Variants in NUP93 observed in about 807,000 individuals in gnomAD.
NUP93 encodes the protein nucleoporin 93, also known as nuclear pore complex protein Nup93.
Under a neutral mutation model 107.8 loss-of-function variants are expected in NUP93, and 55 were observed. The ratio of observed to expected loss-of-function variants is 0.51; its 90% confidence interval spans 0.41 to 0.64. The LOEUF (loss-of-function observed/expected upper bound fraction) is 0.64, where lower values mean the gene tolerates loss of function less well. NUP93 is among the 30% of genes least tolerant of loss of function. NUP93 has a pLI of 0.00. For missense variants in NUP93, 937 were observed against 1,044.7 expected (o/e 0.90, Z 1.42); for synonymous variants, 390 against 397.5 (o/e 0.98, Z 0.22).
At chr16:56,826,223 A>G (rs923619911) in intron 8 of NUP93, among the ~76,000 whole-genome samples, 2 of 152,314 alleles carry the variant, frequency 1.3e-5, no homozygotes, top group African/African-American at 4.8e-5. Flanking sequence ...GCTTATAAAT[A>G]CTTCCAGGCC....
At chr16:56,786,676 G>T (rs1204586109) in intron 3 of NUP93, among the ~76,000 whole-genome samples, 1 of 152,256 alleles carries the variant, frequency 6.6e-6, no homozygotes, top group Non-Finnish European at 1.5e-5. Flanking sequence ...TGGGTCCATT[G>T]TGTTGGCTCG....
chr16:56,794,402 A>G (rs560387216), intron 3 of NUP93, among the ~76,000 whole-genome samples: 820 of 35,164 alleles, frequency 0.023, 3 homozygotes, highest in Non-Finnish European at 0.028. Context: ...ATGCAGCTTT[A>G]TAGTAAATAA....
intron 1 of NUP93, among the ~76,000 whole-genome samples, chr16:56,737,423 C>T (rs547326980): frequency 1.3e-5 from 2 of 152,156 alleles, no homozygotes; most frequent in South Asian, 4.1e-4. Context: ...CTCCAAATAG[C>T]ATCACATTGT....
At chr16:56,741,771 C>G (rs1303406541) in intron 1 of NUP93, 1 of 152,146 alleles carries the variant, frequency 6.6e-6, no homozygotes, top group Non-Finnish European at 1.5e-5. Flanking sequence ...TAACAACTGT[C>G]TTTTTTAGGT....
chr16:56,758,862 A>C (rs1427172970), intron 3 of NUP93, among the ~76,000 whole-genome samples: 2 of 152,238 alleles, frequency 1.3e-5, no homozygotes, highest in Admixed American at 1.3e-4. Context: ...GCTGAATTTA[A>C]GAAAGCAATT....
intron 1 of NUP93, among the ~76,000 whole-genome samples, chr16:56,739,946 G>T (rs1300333625): frequency 1.8e-4 from 22 of 124,266 alleles, no homozygotes; most frequent in African/African-American, 6.8e-4. Flanking sequence ...CGGGCGGGGG[G>T]CCGACCCCCC....
chr16:56,739,568 C>T (rs1597099866), intron 1 of NUP93, among the ~76,000 whole-genome samples: 7 of 92,976 alleles, frequency 7.5e-5, no homozygotes, highest in Admixed American at 9.8e-5. Flanking sequence ...GCTGGCCGGG[C>T]GGGGGGCTGA....
intron 1 of NUP93, among the ~76,000 whole-genome samples, chr16:56,744,478 T>C (rs1386380929): frequency 6.6e-6 from 1 of 152,136 alleles, no homozygotes; most frequent in Non-Finnish European, 1.5e-5. Context: ...TAACAAAAAA[T>C]GTATAAATTT....
chr16:56,770,527 C>G (rs1351107194), intron 3 of NUP93, among the ~76,000 whole-genome samples: 1 of 152,262 alleles, frequency 6.6e-6, no homozygotes, highest in East Asian at 1.9e-4. Context: ...CCGCCACCCC[C>G]TCCAGTCACA....
At chr16:56,820,445 A>G (rs1256582312) in intron 6 of NUP93, among the ~76,000 whole-genome samples, 1 of 152,182 alleles carries the variant, frequency 6.6e-6, no homozygotes, top group Non-Finnish European at 1.5e-5. Context: ...CCTCCCAAGT[A>G]GCTGGGATTA....
intron 3 of NUP93, among the ~76,000 whole-genome samples, chr16:56,793,254 T>C (rs1185109727): frequency 6.6e-6 from 1 of 152,044 alleles, no homozygotes; most frequent in Non-Finnish European, 1.5e-5. Context: ...AGGAGTTAGT[T>C]TACCTAGCTG....
rs1232888804 is a variant in NUP93, at chr16:56,846,467, T to C, written c.*1858T>C. 2 of 152,062 alleles carry C rather than the reference T, an allele frequency of 1.3e-5. No homozygotes were observed. Among genetic ancestry groups the C allele is most frequent in the South Asian group, 4.2e-4 (2 of 4,818 alleles). 9.4% of individuals were successfully genotyped at this position (152,062 alleles called of 1,614,324 possible). On this transcript the variant is annotated 3_prime_UTR_variant, in exon 22 of 22. Transcript: ENST00000308159. ...GCTCACGCCTGTAACCCCAGCACTTTGGGAGGCCAAGGCAGGCAGTTCGCT... is the reference window on the plus strand; with the variant it reads ...GCTCACGCCTGTAACCCCAGCACTTCGGGAGGCCAAGGCAGGCAGTTCGCT...
chr16:56,735,885 G>A (rs971944276), intron 1 of NUP93, among the ~76,000 whole-genome samples: 3 of 151,732 alleles, frequency 2.0e-5, no homozygotes, highest in African/African-American at 7.3e-5. Flanking sequence ...GCATAGAGTT[G>A]GGGGCAGGGC....
rs1415757056 is a variant in NUP93 at position 56,829,090 on chromosome 16, C to T, written c.908C>T (p.Ala303Val). 1.2e-6 allele frequency: 2 copies of T among 1,613,116 alleles called. No homozygotes were observed. Residue 303 changes from alanine (A) to valine (V), a missense_variant, in exon 9 of 22, where the codon GCT (alanine) becomes GTT (valine). Transcript: ENST00000308159. ...VRSFLNIKLPAPLPGLQDGEV... is the reference protein window; with the variant it reads ...VRSFLNIKLPVPLPGLQDGEV... ...AGTTTCCTGAACATTAAACTGCCAG[C>T]TCCCTTGCCTGGACTACAGGTACTG...
At chr16:56,793,151 C>A (rs949516162) in intron 3 of NUP93, among the ~76,000 whole-genome samples, 44 of 152,272 alleles carry the variant, frequency 2.9e-4, no homozygotes, top group African/African-American at 9.6e-4. Context: ...TTATAGAAAG[C>A]TGGAAACCAA....
intron 5 of NUP93, among the ~76,000 whole-genome samples, chr16:56,815,856 A>ATTACTG (rs1359383589): frequency 2.5e-5 from 2 of 80,738 alleles, no homozygotes; most frequent in African/African-American, 9.5e-5. Context: ...ATTTCCAGCT[A>ATTACTG]CTACTGCTAC....
intron 3 of NUP93, among the ~76,000 whole-genome samples, chr16:56,763,503 GGTGTGTGTGTGTATGTGTGGGTGT>G (rs139138088): frequency 0.09 from 13,494 of 150,150 alleles, 795 homozygotes; most frequent in Non-Finnish European, 0.13. Context: ...TGTGTGGGTG[GGTGTGTGTGTGTATGTGTGGGTGT>G]GTGTGTGTGT....
At chr16:56,754,456 C>T (rs185888445) in intron 2 of NUP93, among the ~76,000 whole-genome samples, 3 of 152,326 alleles carry the variant, frequency 2.0e-5, no homozygotes, top group South Asian at 2.1e-4. Context: ...GGACAAGGCA[C>T]GTCTCTTTGC....
At chr16:56,764,165 A>G (rs1962178097) in intron 3 of NUP93, among the ~76,000 whole-genome samples, 1 of 152,210 alleles carries the variant, frequency 6.6e-6, no homozygotes, top group South Asian at 2.1e-4. Context: ...TTTAAATAGA[A>G]AGAAGAAACT....
Sources: gnomAD v4.1 joint callset for allele counts (sites outside exome capture counted in the v4.1 genomes callset) on GRCh38, gnomAD v4.1.1 for gene constraint, MANE v1.5 for transcripts, NCBI Gene and HGNC (gene_info 2026-07-23, HGNC 2026-07-21) for gene names.